Variants in APBB1IP observed in about 807,000 individuals in gnomAD.
APBB1IP encodes the protein amyloid beta A4 precursor protein-binding family B member 1-interacting protein.
APBB1IP carries 27 observed loss-of-function variants against 64.9 expected under a neutral mutation model. The observed-to-expected ratio is 0.42, with a 90% CI of 0.31 to 0.57. The LOEUF is 0.57. Ranked by LOEUF, APBB1IP falls within the 20% of genes least tolerant of loss-of-function variation. APBB1IP has a pLI of 0.20. For synonymous variants in APBB1IP, 392 were observed against 331.0 expected, an observed-to-expected ratio of 1.18 and a Z score of -2.00; for missense variants, 812 against 845.5, an observed-to-expected ratio of 0.96 and a Z score of 0.49.
At chr10:26,494,781 T>C (rs1835999430) in intron 3 of APBB1IP, among the ~76,000 whole-genome samples, 1 of 152,062 alleles carries the variant, frequency 6.6e-6, no homozygotes, top group African/African-American at 2.4e-5. Context: ...GCTGAGATTG[T>C]GCCATTGCAC....
chr10:26,459,063 A>G (rs948745666), intron 2 of APBB1IP, among the ~76,000 whole-genome samples: 1 of 147,722 alleles, frequency 6.8e-6, no homozygotes, highest in African/African-American at 2.5e-5. Flanking sequence ...AGCATTAGGT[A>G]TATCTCCTAA....
intron 6 of APBB1IP, among the ~76,000 whole-genome samples, chr10:26,508,679 G>A (rs955929690): frequency 2.6e-5 from 4 of 151,966 alleles, no homozygotes; most frequent in African/African-American, 7.3e-5. Flanking sequence ...CAAACGTGAG[G>A]GAAGCTGTGA....
At chr10:26,479,443 T>A (rs1835811552) in intron 2 of APBB1IP, among the ~76,000 whole-genome samples, 1 of 152,174 alleles carries the variant, frequency 6.6e-6, no homozygotes, top group Non-Finnish European at 1.5e-5. Context: ...TTATAAAGTG[T>A]ATAATTTATA....
chr10:26,545,249 C>G (rs1387465256), intron 11 of APBB1IP, among the ~76,000 whole-genome samples: 1 of 152,156 alleles, frequency 6.6e-6, no homozygotes, highest in African/African-American at 2.4e-5. Context: ...TCTTGCTATT[C>G]TTTATTAGGG....
intron 13 of APBB1IP, 192 bp from the exon 14 acceptor site, chr10:26,562,134 G>A (rs923032128): frequency 6.1e-6 from 3 of 492,318 alleles, no homozygotes; most frequent in African/African-American, 5.9e-5. Flanking sequence ...TTTTCTTAAG[G>A]TTTTGTGTAC....
intron 2 of APBB1IP, among the ~76,000 whole-genome samples, chr10:26,448,368 T>A (rs1835425229): frequency 6.6e-6 from 1 of 152,208 alleles, no homozygotes; most frequent in Admixed American, 6.5e-5. Flanking sequence ...TTTTATTCCA[T>A]TTTTTAATAC....
At chr10:26,452,867 C>T (rs1389980620) in intron 2 of APBB1IP, among the ~76,000 whole-genome samples, 2 of 152,102 alleles carry the variant, frequency 1.3e-5, no homozygotes, top group East Asian at 3.9e-4. Context: ...GCCATGTATA[C>T]TCATTGTTTA....
intron 2 of APBB1IP, among the ~76,000 whole-genome samples, chr10:26,440,486 C>T (rs889654749): frequency 3.9e-5 from 6 of 152,226 alleles, no homozygotes; most frequent in Non-Finnish European, 8.8e-5. Context: ...CCTGTAAAAG[C>T]GCAGTCAATA....
At chr10:26,482,832 C>T (rs923306797) in intron 2 of APBB1IP, among the ~76,000 whole-genome samples, 2 of 151,276 alleles carry the variant, frequency 1.3e-5, no homozygotes, top group African/African-American at 4.9e-5. Flanking sequence ...GTCCCTGTAA[C>T]TCCAGCACTT....
At chr10:26,552,130 C>A (rs1564376619) in intron 11 of APBB1IP, among the ~76,000 whole-genome samples, 1 of 152,012 alleles carries the variant, frequency 6.6e-6, no homozygotes, top group African/African-American at 2.4e-5. Flanking sequence ...AAGACCCCAT[C>A]TCTACAGAAA....
chr10:26,469,700 C>T (rs1282396395), intron 2 of APBB1IP, among the ~76,000 whole-genome samples: 1 of 151,978 alleles, frequency 6.6e-6, no homozygotes, highest in Non-Finnish European at 1.5e-5. Context: ...TCCCATCACC[C>T]GGGTACTGAG....
At chr10:26,456,758 A>AAAAAAAAAAT (rs1835531014) in intron 2 of APBB1IP, among the ~76,000 whole-genome samples, 1 of 136,580 alleles carries the variant, frequency 7.3e-6, no homozygotes, top group African/African-American at 2.6e-5. Flanking sequence ...AAAAAAAAAA[A>AAAAAAAAAAT]GGAGAGACTG....
chr10:26,518,028 C>T (rs1183374045), intron 8 of APBB1IP, among the ~76,000 whole-genome samples: 1 of 152,150 alleles, frequency 6.6e-6, no homozygotes, highest in East Asian at 1.9e-4. Context: ...AATCTAGGCT[C>T]ACTGCAACTT....
intron 6 of APBB1IP, 97 bp from the exon 7 acceptor site, chr10:26,511,650 A>T: frequency 1.4e-6 from 2 of 1,423,272 alleles, no homozygotes; most frequent in South Asian, 2.6e-5. Context: ...ACATTCTTAC[A>T]GAAATTTGCA....
intron 2 of APBB1IP, among the ~76,000 whole-genome samples, chr10:26,481,322 C>T (rs1835832046): frequency 6.6e-6 from 1 of 152,088 alleles, no homozygotes; most frequent in Non-Finnish European, 1.5e-5. Context: ...CTTGACTTAG[C>T]AGAGTGTCCC....
intron 8 of APBB1IP, among the ~76,000 whole-genome samples, chr10:26,532,958 C>T (rs1334918668): frequency 1.3e-5 from 2 of 152,220 alleles, no homozygotes; most frequent in Admixed American, 1.3e-4. Flanking sequence ...CATTTGCAAA[C>T]ATCTACATTT....
At chr10:26,442,028 G>C (rs1835343384) in intron 2 of APBB1IP, among the ~76,000 whole-genome samples, 1 of 152,132 alleles carries the variant, frequency 6.6e-6, no homozygotes, top group South Asian at 2.1e-4. Context: ...CCATCTGATG[G>C]TGGCACCCAT....
intron 2 of APBB1IP, among the ~76,000 whole-genome samples, chr10:26,467,833 G>T (rs1835666411): frequency 6.6e-6 from 1 of 152,172 alleles, no homozygotes; most frequent in South Asian, 2.1e-4. Flanking sequence ...GCTTAGCTTT[G>T]ATCTCACCAA....
At chr10:26,547,437 CTTTGT>C (rs1190847190) in intron 11 of APBB1IP, among the ~76,000 whole-genome samples, 2 of 151,444 alleles carry the variant, frequency 1.3e-5, no homozygotes, top group Non-Finnish European at 2.9e-5. Flanking sequence ...GTTTGTTTTG[CTTTGT>C]TTTGTTTTGT....
Sources: gnomAD v4.1 joint callset for allele counts (sites outside exome capture counted in the v4.1 genomes callset) on GRCh38, gnomAD v4.1.1 for gene constraint, MANE v1.5 for transcripts, NCBI Gene and HGNC (gene_info 2026-07-23, HGNC 2026-07-21) for gene names.